HS3ST4: variants seen among roughly 807,000 people sequenced by gnomAD.
HS3ST4 encodes the protein heparan sulfate-glucosamine 3-sulfotransferase 4, also known as heparan sulfate glucosamine 3-O-sulfotransferase 4.
HS3ST4 carries 17 observed loss-of-function variants against 29.2 expected under a neutral mutation model. The ratio of observed to expected loss-of-function variants is 0.58; its 90% CI spans 0.40 to 0.87. The LOEUF is 0.87. HS3ST4 is among the 40% of genes least tolerant of loss of function. The probability of loss-of-function intolerance (pLI) is 0.00; values close to 1 mark genes in which losing one functional copy is unlikely to be tolerated. For synonymous variants in HS3ST4, 314 were observed against 285.7 expected (o/e 1.10, Z -1.00); for missense variants, 627 against 634.5 (o/e 0.99, Z 0.13).
At chr16:25,891,199 A>G (rs1461513914) in intron 1 of HS3ST4, among the ~76,000 whole-genome samples, 2 of 152,192 alleles carry the variant, frequency 1.3e-5, no homozygotes, top group Non-Finnish European at 2.9e-5. Context: ...ACTGAACCAG[A>G]TACTGTTCAG....
chr16:25,852,045 G>A (rs889688980), intron 1 of HS3ST4, among the ~76,000 whole-genome samples: 3 of 152,156 alleles, frequency 2.0e-5, no homozygotes, highest in African/African-American at 7.2e-5. Context: ...TATAGAGGAA[G>A]TAAAGGACCC....
At chr16:26,031,256 C>T in intron 1 of HS3ST4, among the ~76,000 whole-genome samples, 1 of 152,052 alleles carries the variant, frequency 6.6e-6, no homozygotes, top group African/African-American at 2.4e-5. Context: ...GGCACAGGGC[C>T]CCGCCACTCC....
At position 26,082,992 on chromosome 16, in the gene HS3ST4, T is replaced by C. The variant is rs140903453; in HGVS notation, c.735-52620T>C. On this transcript the variant is annotated intron_variant, in intron 1 of 1. Transcript: ENST00000331351. ...TCGTAAGAATGGGATGGGATAAGCA[T>C]TTATGCAGTGCCAAGCACATAGAAA... 1.1e-4 allele frequency among the ~76,000 whole-genome samples: 17 copies of C among 152,348 alleles called. No individual in the cohort carries two copies. The East Asian group carries it at 2.5e-3, about 22-fold the overall frequency.
At chr16:25,884,493 G>A (rs934793370) in intron 1 of HS3ST4, among the ~76,000 whole-genome samples, 1 of 152,116 alleles carries the variant, frequency 6.6e-6, no homozygotes, top group African/African-American at 2.4e-5. Context: ...ATTTACTTAT[G>A]TTCTTGTGTA....
chr16:25,768,147 C>G (rs1205355359), intron 1 of HS3ST4, among the ~76,000 whole-genome samples: 1 of 152,180 alleles, frequency 6.6e-6, no homozygotes, highest in Non-Finnish European at 1.5e-5. Flanking sequence ...GTTGGGTCAT[C>G]AGTTTTGGAG....
At chr16:25,879,180 G>A (rs531410552) in intron 1 of HS3ST4, among the ~76,000 whole-genome samples, 1 of 152,226 alleles carries the variant, frequency 6.6e-6, no homozygotes, top group Admixed American at 6.5e-5. Flanking sequence ...GATGAGCAAT[G>A]AACCCACAAT....
intron 1 of HS3ST4, among the ~76,000 whole-genome samples, chr16:25,704,985 G>A (rs180684894): frequency 1.3e-5 from 2 of 152,176 alleles, no homozygotes; most frequent in East Asian, 1.9e-4. Context: ...GCTTGCCGAG[G>A]TGCTGGGATT....
rs745858843 is a variant in HS3ST4 at position 25,789,403 on chromosome 16, TTTCCTTCCTTCCTTCC to T, written c.734+96304_734+96319del. On this transcript the variant is annotated intron_variant, in intron 1 of 1. Coordinates refer to ENST00000331351, the MANE Select transcript of HS3ST4 (RefSeq NM_006040.3). ...TTTCTTTCTTTCTCTTTCTTTGTTTTTTCCTTCCTTCCTTCCTTCCTTCCTTCCTTCCTTCCTTCCT... is the reference window on the plus strand; with the variant it reads ...TTTCTTTCTTTCTCTTTCTTTGTTTTTTCCTTCCTTCCTTCCTTCCTTCCT... 6.1e-4 allele frequency among the ~76,000 whole-genome samples: 44 copies of T among 72,724 alleles called. 1 individual carries two copies. The highest frequency in any genetic ancestry group is 1.5e-3 in the African/African-American group (23 of 15,360). The allele number at this position is 72,724 out of a possible 152,430, so 47.7% of individuals were successfully genotyped here.
chr16:25,717,662 C>T (rs62034429), intron 1 of HS3ST4, among the ~76,000 whole-genome samples: 46,834 of 151,534 alleles, frequency 0.31, 7,640 homozygotes, highest in East Asian at 0.56. Flanking sequence ...CTGGGAGACA[C>T]GGAGAAGGAT....
intron 1 of HS3ST4, among the ~76,000 whole-genome samples, chr16:25,932,839 A>G (rs2141688346): frequency 6.6e-6 from 1 of 152,350 alleles, no homozygotes; most frequent in East Asian, 1.9e-4. Context: ...AACTCAGTTC[A>G]GCTTGGTTTC....
chr16:25,793,681 G>T (rs2141620831), intron 1 of HS3ST4, among the ~76,000 whole-genome samples: 1 of 151,986 alleles, frequency 6.6e-6, no homozygotes, highest in Admixed American at 6.5e-5. Flanking sequence ...TATTTAAGTT[G>T]TGTCTCTTAC....
rs1444294146 is a variant in HS3ST4 at position 26,135,926 on chromosome 16, C to T, written c.1049C>T (p.Ser350Phe). The T allele has an allele frequency of 2.5e-6, 4 of 1,613,892 alleles. No individual in the cohort carries two copies. Among genetic ancestry groups the T allele is most frequent in the Non-Finnish European group, 3.4e-6 (4 of 1,179,888 alleles). ...AACTGGCTCCAGTATTTCCCCCTCT[C>T]CCAGATCCTCTTTGTCAGTGGTGAG... is the stretch of plus-strand genomic sequence containing the variant. The part of the protein sequence containing the change: ...LENWLQYFPL[S>F]QILFVSGERL... Residue 350 changes from serine to phenylalanine, a missense_variant, in exon 2 of 2, where the codon TCC (serine) becomes TTC (phenylalanine). This residue lies in a region of HS3ST4 where 225 missense variants were observed against 293.7 expected (regional missense o/e 0.77). Transcript: ENST00000331351.
chr16:25,848,335 T>G (rs1301900100), intron 1 of HS3ST4, among the ~76,000 whole-genome samples: 2 of 152,118 alleles, frequency 1.3e-5, no homozygotes, highest in African/African-American at 4.8e-5. Context: ...AGATGGGGTT[T>G]CACCATGTTG....
At chr16:25,797,717 C>T (rs1350812624) in intron 1 of HS3ST4, among the ~76,000 whole-genome samples, 1 of 152,158 alleles carries the variant, frequency 6.6e-6, no homozygotes, top group African/African-American at 2.4e-5. Flanking sequence ...GGTACTTGCA[C>T]TTTATTGCCA....
chr16:25,890,409 CAG>C (rs1967996260), intron 1 of HS3ST4, among the ~76,000 whole-genome samples: 2 of 152,182 alleles, frequency 1.3e-5, no homozygotes, highest in Admixed American at 6.5e-5. Flanking sequence ...GACATAGAGA[CAG>C]AATAAAAATT....
At chr16:25,738,211 G>T (rs1208048972) in intron 1 of HS3ST4, among the ~76,000 whole-genome samples, 1 of 152,118 alleles carries the variant, frequency 6.6e-6, no homozygotes, top group Non-Finnish European at 1.5e-5. Flanking sequence ...GCCGATACCT[G>T]TAGCTTCTAT....
intron 1 of HS3ST4, among the ~76,000 whole-genome samples, chr16:25,750,292 G>A (rs1175737025): frequency 2.6e-5 from 4 of 152,154 alleles, no homozygotes; most frequent in Non-Finnish European, 5.9e-5. Context: ...AAAATTTAAT[G>A]TTCTAGTGAC....
At chr16:26,012,488 T>C (rs191060464) in intron 1 of HS3ST4, among the ~76,000 whole-genome samples, 4 of 152,314 alleles carry the variant, frequency 2.6e-5, no homozygotes, top group Admixed American at 2.6e-4. Flanking sequence ...CTTTTGTTTC[T>C]CAGAAGCCAC....
chr16:25,828,315 T>A, intron 1 of HS3ST4, among the ~76,000 whole-genome samples: 1 of 129,076 alleles, frequency 7.7e-6, no homozygotes, highest in African/African-American at 3.3e-5. Flanking sequence ...TCTCTCTCTC[T>A]CTCTCTCTCT....
Sources: gnomAD v4.1 joint callset for allele counts (sites outside exome capture counted in the v4.1 genomes callset) on GRCh38, gnomAD v4.1.1 for gene constraint, gnomAD v4.1.1 regional missense constraint, MANE v1.5 for transcripts, NCBI Gene and HGNC (gene_info 2026-07-23, HGNC 2026-07-21) for gene names.